Variants in MSH3 observed in about 807,000 individuals in gnomAD.
MSH3 encodes the protein DNA mismatch repair protein Msh3.
In MSH3, 106 loss-of-function variants were observed where a neutral mutation model predicts 123.3. That is an observed-to-expected ratio of 0.86 (90% CI 0.73 to 1.01). MSH3 has a LOEUF of 1.01. MSH3 is among the 50% of genes least tolerant of loss of function. The probability of loss-of-function intolerance (pLI) is 0.00; values close to 1 mark genes in which losing one functional copy is unlikely to be tolerated. For missense variants in MSH3, 1,459 were observed against 1,347.6 expected, an observed-to-expected ratio of 1.08 and a Z score of -1.29; for synonymous variants, 515 against 481.4, an observed-to-expected ratio of 1.07 and a Z score of -0.91.
chr5:80,783,489 C>G (rs1744444577), intron 17 of MSH3, among the ~76,000 whole-genome samples: 2 of 152,136 alleles, frequency 1.3e-5, no homozygotes, highest in Admixed American at 1.3e-4. Flanking sequence ...TTATTCATGT[C>G]TTATTTATAC....
chr5:80,699,743 T>A (rs992875927), intron 8 of MSH3, among the ~76,000 whole-genome samples: 1 of 152,144 alleles, frequency 6.6e-6, no homozygotes, highest in African/African-American at 2.4e-5. Flanking sequence ...TTTATTTCTT[T>A]AAAAAATTTT....
At chr5:80,833,952 TC>T (rs1205967385) in intron 20 of MSH3, among the ~76,000 whole-genome samples, 6 of 152,240 alleles carry the variant, frequency 3.9e-5, no homozygotes, top group African/African-American at 1.4e-4. Context: ...TCAGTTGTTT[TC>T]TAGTAATCAA....
At chr5:80,718,859 G>A (rs1328124696) in intron 8 of MSH3, among the ~76,000 whole-genome samples, 1 of 152,006 alleles carries the variant, frequency 6.6e-6, no homozygotes, top group East Asian at 1.9e-4. Flanking sequence ...TGCTCAAAAT[G>A]GCCCATTATT....
intron 18 of MSH3, among the ~76,000 whole-genome samples, chr5:80,788,497 G>C (rs551054118): frequency 7.9e-5 from 12 of 151,516 alleles, no homozygotes; most frequent in African/African-American, 2.7e-4. Context: ...GTCTTCCAAA[G>C]CTTGATTTTA....
intron 19 of MSH3, among the ~76,000 whole-genome samples, chr5:80,811,365 A>G (rs1037548232): frequency 1.3e-5 from 2 of 152,016 alleles, no homozygotes; most frequent in African/African-American, 4.8e-5. Context: ...TATTCTGTTA[A>G]TGTGGTGAAT....
At chr5:80,717,846 T>G (rs1750995757) in intron 8 of MSH3, among the ~76,000 whole-genome samples, 1 of 152,158 alleles carries the variant, frequency 6.6e-6, no homozygotes, top group African/African-American at 2.4e-5. Flanking sequence ...TGGTATTGGG[T>G]TGTTTGAGTT....
At chr5:80,758,978 T>G (rs939031110) in intron 12 of MSH3, among the ~76,000 whole-genome samples, 1 of 152,252 alleles carries the variant, frequency 6.6e-6, no homozygotes, top group African/African-American at 2.4e-5. Context: ...AGTAAAACTT[T>G]ATATTTGTAT....
chr5:80,871,063 G>A (rs1187773780), intron 22 of MSH3, among the ~76,000 whole-genome samples: 4 of 152,102 alleles, frequency 2.6e-5, no homozygotes, highest in Non-Finnish European at 2.9e-5. Flanking sequence ...AAAGTTTTAA[G>A]TTCATGTGTA....
intron 13 of MSH3, among the ~76,000 whole-genome samples, chr5:80,766,764 A>T (rs1744131748): frequency 6.7e-6 from 1 of 148,602 alleles, no homozygotes; most frequent in African/African-American, 2.5e-5. Flanking sequence ...TGTTCATGTT[A>T]AAAAAAAAAC....
intron 20 of MSH3, among the ~76,000 whole-genome samples, chr5:80,826,075 A>C (rs1345182078): frequency 6.6e-6 from 1 of 152,140 alleles, no homozygotes; most frequent in African/African-American, 2.4e-5. Flanking sequence ...CTTTTATGGG[A>C]GTATTTCTCT....
intron 3 of MSH3, among the ~76,000 whole-genome samples, chr5:80,666,739 T>C (rs1454425200): frequency 6.6e-6 from 1 of 152,200 alleles, no homozygotes; most frequent in African/African-American, 2.4e-5. Flanking sequence ...GGTGATAAGC[T>C]GTTTGATGGC....
intron 8 of MSH3, among the ~76,000 whole-genome samples, chr5:80,693,473 A>T (rs1436295283): frequency 6.7e-6 from 1 of 148,336 alleles, no homozygotes; most frequent in Non-Finnish European, 1.5e-5. Context: ...GCACATGTAT[A>T]TGTTTATATA....
intron 20 of MSH3, among the ~76,000 whole-genome samples, chr5:80,833,735 A>G (rs1745460461): frequency 6.6e-6 from 1 of 152,002 alleles, no homozygotes; most frequent in South Asian, 2.1e-4. Context: ...GCCACCTCGC[A>G]CAGCCAAACT....
intron 8 of MSH3, among the ~76,000 whole-genome samples, chr5:80,717,284 G>A (rs921687084): frequency 2.0e-5 from 3 of 152,080 alleles, no homozygotes; most frequent in African/African-American, 7.2e-5. Context: ...ATTCTTTTAA[G>A]AGAGGGTGTC....
At chr5:80,734,928 C>T (rs868555940) in intron 10 of MSH3, among the ~76,000 whole-genome samples, 1 of 152,156 alleles carries the variant, frequency 6.6e-6, no homozygotes, top group Admixed American at 6.5e-5. Context: ...GAAGTTTTCC[C>T]CCTCATGTGT....
intron 10 of MSH3, among the ~76,000 whole-genome samples, chr5:80,737,116 A>G (rs1440548592): frequency 6.6e-6 from 1 of 152,236 alleles, no homozygotes; most frequent in African/African-American, 2.4e-5. Flanking sequence ...AAGTGAATCT[A>G]CAACCCTGAA....
At chr5:80,674,180 C>T (rs920922117) in intron 6 of MSH3, among the ~76,000 whole-genome samples, 2 of 152,144 alleles carry the variant, frequency 1.3e-5, no homozygotes, top group African/African-American at 4.8e-5. Context: ...ATTTCTAGTA[C>T]AGTCCCCCTC....
At chr5:80,790,226 ATGTT>A (rs957215022) in intron 18 of MSH3, among the ~76,000 whole-genome samples, 2 of 152,218 alleles carry the variant, frequency 1.3e-5, no homozygotes, top group Non-Finnish European at 2.9e-5. Context: ...TGCAATCTAA[ATGTT>A]TAACAGTGGA....
At chr5:80,845,711 C>A (rs1745708000) in intron 20 of MSH3, among the ~76,000 whole-genome samples, 1 of 152,128 alleles carries the variant, frequency 6.6e-6, no homozygotes, top group Non-Finnish European at 1.5e-5. Context: ...GAAGATTGTG[C>A]ATGCATCATG....
Sources: allele counts gnomAD v4.1 joint callset (sites outside exome capture counted in the v4.1 genomes callset), GRCh38; gene constraint gnomAD v4.1.1; transcripts MANE v1.5; gene names NCBI Gene and HGNC (gene_info 2026-07-23, HGNC 2026-07-21).